The following FLYWCH1 variants were observed in gnomAD, a reference collection of about 807,000 sequenced individuals.
FLYWCH1 encodes the protein FLYWCH-type zinc finger-containing protein 1.
In FLYWCH1, 75 loss-of-function variants were observed where a neutral mutation model predicts 66.4. The observed-to-expected ratio is 1.13, with a 90% CI of 0.94 to 1.37. The LOEUF is 1.37. Among genes scored for constraint, FLYWCH1 ranks in the 40% most tolerant of loss-of-function variants. FLYWCH1 has a pLI of 0.00. For synonymous variants in FLYWCH1, 595 were observed against 429.9 expected (o/e 1.38, Z -4.75); for missense variants, 1,334 against 1,001.8 (o/e 1.33, Z -4.48).
At chr16:2,946,256 C>G (rs550951479) in intron 9 of FLYWCH1, among the ~76,000 whole-genome samples, 1 of 151,402 alleles carries the variant, frequency 6.6e-6, no homozygotes, top group Admixed American at 6.6e-5. Flanking sequence ...CACCCACCCA[C>G]AGCAACTTCC....
Position 2,920,998 on chromosome 16 carries a change from C to T in FLYWCH1, c.-74+6709C>T, listed in dbSNP as rs147842265. Among the ~76,000 whole-genome samples the T allele has an allele frequency of 2.9e-3, 435 of 152,082 alleles. 3 individuals are homozygous for T. The highest frequency in any genetic ancestry group is 0.01 in the African/African-American group (420 of 41,478). On this transcript the variant is annotated intron_variant, in intron 2 of 9. Coordinates refer to ENST00000253928, the MANE Select transcript of FLYWCH1 (RefSeq NM_001308068.2). Reference sequence around the variant, plus strand: ...CTGGGACTACAGGCGCCCGCCACCACGCCCAGTTAATTTTTTGTGTTTTTA... The same window carrying T: ...CTGGGACTACAGGCGCCCGCCACCATGCCCAGTTAATTTTTTGTGTTTTTA...
rs1187860340 is a variant in FLYWCH1, at chr16:2,950,609, A to G, written c.*1882A>G. The G allele has an allele frequency of 6.6e-6, 1 of 152,356 alleles. No individual in the cohort carries two copies. Among genetic ancestry groups the G allele is most frequent in the Non-Finnish European group, 1.5e-5 (1 of 68,152 alleles). The allele number at this position is 152,356 out of a possible 1,614,324, so 9.4% of individuals were successfully genotyped here. A position where few individuals can be genotyped will look rare whatever the true frequency, so the allele number is the denominator to read the frequency against. On this transcript the variant is annotated 3_prime_UTR_variant, in exon 10 of 10. Coordinates refer to ENST00000253928, the MANE Select transcript of FLYWCH1 (RefSeq NM_001308068.2). ...CTGTGATGGGGCCTCCACGGCCAGC[A>G]TCTTCCCGCCATGGTCACATGATGC... is the stretch of plus-strand genomic sequence containing the variant.
intron 2 of FLYWCH1, among the ~76,000 whole-genome samples, chr16:2,919,410 C>T (rs1344567500): frequency 6.6e-6 from 1 of 151,946 alleles, no homozygotes; most frequent in African/African-American, 2.4e-5. Context: ...GGATTACAGG[C>T]ATGCGCCACC....
intron 2 of FLYWCH1, among the ~76,000 whole-genome samples, chr16:2,919,676 C>T (rs1342814598): frequency 6.6e-6 from 1 of 152,146 alleles, no homozygotes; most frequent in East Asian, 1.9e-4. Context: ...ACTACACATA[C>T]GCACCACCAT....
intron 2 of FLYWCH1, among the ~76,000 whole-genome samples, chr16:2,926,348 A>C (rs1000404055): frequency 1.3e-5 from 2 of 152,236 alleles, no homozygotes; most frequent in African/African-American, 4.8e-5. Flanking sequence ...TTATTAAAGC[A>C]GCTTTAGAAC....
intron 2 of FLYWCH1, among the ~76,000 whole-genome samples, chr16:2,926,917 A>G (rs1240593695): frequency 6.6e-6 from 1 of 152,218 alleles, no homozygotes; most frequent in Non-Finnish European, 1.5e-5. Context: ...TTAGACAAGT[A>G]CAAACCCCAA....
Position 2,913,820 on chromosome 16 carries a change from G to A in FLYWCH1, c.-187-356G>A, listed in dbSNP as rs114282906. ...ACGCTCATGGTTCAGTTGCGGGTAGGTGGGAGGTGGGTAGACACTGGAGTC... is the reference window on the plus strand; with the variant it reads ...ACGCTCATGGTTCAGTTGCGGGTAGATGGGAGGTGGGTAGACACTGGAGTC... On this transcript the variant is annotated intron_variant, in intron 1 of 9. Coordinates refer to ENST00000253928, the MANE Select transcript of FLYWCH1 (RefSeq NM_001308068.2). Among the ~76,000 whole-genome samples, 1,024 of 152,204 alleles carry A rather than the reference G, an allele frequency of 6.7e-3. 10 individuals are homozygous for A. Among genetic ancestry groups the A allele is most frequent in the African/African-American group, 0.023 (975 of 41,512 alleles).
chr16:2,913,075 C>T (rs905594016), intron 1 of FLYWCH1: 1 of 152,120 alleles, frequency 6.6e-6, no homozygotes, highest in Non-Finnish European at 1.5e-5. Context: ...TTTATGACGC[C>T]CAGCTGATGA....
chr16:2,926,264 AAT>A (rs2070563607), intron 2 of FLYWCH1, among the ~76,000 whole-genome samples: 1 of 152,210 alleles, frequency 6.6e-6, no homozygotes, highest in African/African-American at 2.4e-5. Context: ...ATTGGGAAAA[AAT>A]TGGCAAAGAA....
At chr16:2,943,541 C>A (rs776196992) in intron 9 of FLYWCH1, 2 of 151,436 alleles carry the variant, frequency 1.3e-5, no homozygotes, top group Non-Finnish European at 1.5e-5. Flanking sequence ...TGAATAGACA[C>A]AAAACATTTG....
intron 4 of FLYWCH1, 85 bp from the exon 5 acceptor site, chr16:2,933,045 T>G: frequency 1.7e-6 from 2 of 1,208,098 alleles, no homozygotes; most frequent in South Asian, 3.0e-5. Flanking sequence ...GAAAGGCTCG[T>G]GTCAGCCCCC....
rs774350825 is a variant in FLYWCH1, at chr16:2,933,431, C to T, written c.1098C>T (p.Leu366=). ...DGPGSQVDTL[L]RGVDSLLYRR... ...CTGGGAGCCAAGTGGACACGCTGCT[C>T]CGAGGCGTGGATAGTTTGCTCTACC... is the stretch of plus-strand genomic sequence containing the variant. The change falls in exon 5 of 10, where the codon CTC becomes CTT. Residue 366 remains leucine (L), a synonymous_variant. Transcript: ENST00000253928. 6.2e-6 allele frequency: 10 copies of T among 1,600,850 alleles called. No homozygotes were observed. The East Asian group carries it at 2.0e-4, about 33-fold the overall frequency.
intron 7 of FLYWCH1, 111 bp from the exon 8 acceptor site, chr16:2,938,073 C>T (rs1009875677): frequency 1.9e-6 from 2 of 1,080,218 alleles, no homozygotes; most frequent in East Asian, 2.6e-5. Flanking sequence ...GTGCAGCGTG[C>T]TAGGGGATCG....
intron 8 of FLYWCH1, among the ~76,000 whole-genome samples, chr16:2,938,964 A>G (rs972195719): frequency 4.1e-5 from 6 of 145,950 alleles, no homozygotes; most frequent in East Asian, 2.1e-4. Context: ...CTGGAGTGCA[A>G]TGGAGCCATC....
intron 2 of FLYWCH1, among the ~76,000 whole-genome samples, chr16:2,914,553 T>A (rs1454340613): frequency 1.3e-5 from 2 of 152,136 alleles, no homozygotes; most frequent in African/African-American, 4.8e-5. Flanking sequence ...ACTGAGACTT[T>A]GGAGCTTTCC....
At chr16:2,916,815 G>C (rs968595537) in intron 2 of FLYWCH1, among the ~76,000 whole-genome samples, 2 of 151,786 alleles carry the variant, frequency 1.3e-5, no homozygotes, top group East Asian at 3.9e-4. Flanking sequence ...TACCCCTAAG[G>C]TTCCTGAAAC....
Position 2,929,767 on chromosome 16 carries a change from G to T in FLYWCH1, c.82G>T (p.Val28Phe). 6.2e-7 allele frequency: 1 copy of T among 1,613,874 alleles called. No individual in the cohort carries two copies. The highest frequency in any genetic ancestry group is 1.1e-5 in the South Asian group (1 of 91,082). ...GCCATCCCCCAAGCCAGGCACGGAC[G>T]TCATCCCGGCAGCCCCCAGGAAGCC... ...QEPSPKPGTDVIPAAPRKPRE... is the reference protein window; with the variant it reads ...QEPSPKPGTDFIPAAPRKPRE... Residue 28 changes from valine to phenylalanine, a missense_variant, in exon 3 of 10, where the codon GTC becomes TTC. Val to Phe is a conservative substitution (Grantham distance 50, BLOSUM62 -1). Coordinates refer to ENST00000253928, the MANE Select transcript of FLYWCH1 (RefSeq NM_001308068.2).
chr16:2,938,644 G>A (rs1239235655), intron 8 of FLYWCH1, among the ~76,000 whole-genome samples, 188 bp downstream of exon 8: 2 of 128,516 alleles, frequency 1.6e-5, no homozygotes, highest in Non-Finnish European at 3.2e-5. Context: ...ACTGAGTCTT[G>A]CTCTGTTGCC....
At position 2,930,452 on chromosome 16, in the gene FLYWCH1, G is replaced by T. The variant is rs1235774870; in HGVS notation, c.368G>T (p.Gly123Val). ...SLEFLRTPFG[G>V]RLLVLESFLY... ...GAGTTCCTGAGGACACCATTCGGGG[G>T]CCGCCTCCTGGTGCTGGAGTCCTTC... Residue 123 changes from glycine (G) to valine (V), a missense_variant, in exon 4 of 10, where the codon GGC becomes GTC. Gly to Val is a moderately radical substitution (Grantham distance 109). Transcript: ENST00000253928. 2.0e-6 allele frequency: 3 copies of T among 1,496,178 alleles called. No individual in the cohort carries two copies. The highest frequency in any genetic ancestry group is 1.8e-6 in the Non-Finnish European group (2 of 1,125,024). The allele number at this position is 1,496,178 out of a possible 1,614,324, so 92.7% of individuals were successfully genotyped here. A position where few individuals can be genotyped will look rare whatever the true frequency, so the allele number is the denominator to read the frequency against.
Sources: gnomAD v4.1 joint callset for allele counts (sites outside exome capture counted in the v4.1 genomes callset) on GRCh38, gnomAD v4.1.1 for gene constraint, MANE v1.5 for transcripts, NCBI Gene and HGNC (gene_info 2026-07-23, HGNC 2026-07-21) for gene names.